LARS1: variants seen among roughly 807,000 people sequenced by gnomAD.
LARS1 encodes the protein leucyl-tRNA synthetase 1, also known as leucine--tRNA ligase, cytoplasmic.
Under a neutral mutation model 162.8 loss-of-function variants are expected in LARS1, and 100 were observed. The ratio of observed to expected loss-of-function variants is 0.61; its 90% CI spans 0.52 to 0.73. The LOEUF is 0.73. Ranked by LOEUF, LARS1 falls within the 30% of genes least tolerant of loss-of-function variation. The pLI, the probability that LARS1 is intolerant of heterozygous loss-of-function variation, is 0.00. For synonymous variants in LARS1, 457 were observed against 462.8 expected, an observed-to-expected ratio of 0.99 and a Z score of 0.16; for missense variants, 1,258 against 1,408.9, an observed-to-expected ratio of 0.89 and a Z score of 1.71.
intron 15 of LARS1, among the ~76,000 whole-genome samples, chr5:146,149,200 G>T (rs2126505782): frequency 6.6e-6 from 1 of 152,272 alleles, no homozygotes; most frequent in Non-Finnish European, 1.5e-5. Context: ...AAGCCTAACA[G>T]ACCATTGTCT....
intron 20 of LARS1, among the ~76,000 whole-genome samples, chr5:146,141,564 G>C (rs1299188480): frequency 6.6e-6 from 1 of 152,098 alleles, no homozygotes; most frequent in African/African-American, 2.4e-5. Flanking sequence ...AGTACTTTGG[G>C]AGGCCAAGAC....
intron 23 of LARS1, 36 bp downstream of exon 23, chr5:146,132,862 C>A: frequency 6.5e-7 from 1 of 1,547,726 alleles, no homozygotes; most frequent in Non-Finnish European, 8.8e-7. Context: ...GACTAAGTAA[C>A]TCTAAAACAC....
In LARS1 at chr5:146,120,459, G is replaced by C. The variant is rs878861962; in HGVS notation, c.3237C>G (p.Gly1079=). The change falls in exon 31 of 32, where the codon GGC becomes GGG. Residue 1079 remains glycine (G), a synonymous_variant. Coordinates refer to ENST00000394434, the MANE Select transcript of LARS1 (RefSeq NM_020117.11). ...TGATTTCAATTTTGGTTGAGAAGTG[G>C]CCATTGGATGGCTGGGGATTCACCA... ...VSLVNPQPSN[G]HFSTKIEIRQ... 1 of 1,613,108 alleles carries C rather than the reference G, an allele frequency of 6.2e-7. No homozygotes were observed. Among genetic ancestry groups the C allele is most frequent in the East Asian group, 2.2e-5 (1 of 44,866 alleles).
chr5:146,151,745 A>G (rs1361743832), intron 14 of LARS1, 117 bp downstream of exon 14: 1 of 913,292 alleles, frequency 1.1e-6, no homozygotes, highest in African/African-American at 1.7e-5. Flanking sequence ...TCTCATATTA[A>G]GCTCTCAAAT....
rs904741380 is a variant in LARS1 at position 146,176,352 on chromosome 5, T to G, written c.125+1195A>C. 2.0e-5 allele frequency among the ~76,000 whole-genome samples: 3 copies of G among 146,600 alleles called. No individual in the cohort carries two copies. The South Asian group carries it at 6.4e-4, about 31-fold the overall frequency. On this transcript the variant is annotated intron_variant, in intron 2 of 31. Transcript: ENST00000394434. ...CTGTAATCCCAGCTACTAAGGAGGCTGAGGCAGGAGAATCGCTTTAACCAG... is the reference window on the plus strand; with the variant it reads ...CTGTAATCCCAGCTACTAAGGAGGCGGAGGCAGGAGAATCGCTTTAACCAG...
chr5:146,169,371 A>G (rs75163996), intron 4 of LARS1, among the ~76,000 whole-genome samples: 3,844 of 152,314 alleles, frequency 0.025, 76 homozygotes, highest in Non-Finnish European at 0.037. Flanking sequence ...GAAAAATAAG[A>G]AATACAGAAG....
At chr5:146,139,528 A>C (rs997049816) in intron 21 of LARS1, 5 of 151,746 alleles carry the variant, frequency 3.3e-5, no homozygotes, top group African/African-American at 1.2e-4. Flanking sequence ...ACTCTTCCCT[A>C]TCTCTCTCTT....
At chr5:146,144,182 T>A in intron 18 of LARS1, 85 bp downstream of exon 18, 1 of 973,886 alleles carries the variant, frequency 1.0e-6, no homozygotes, top group Non-Finnish European at 1.6e-6. Context: ...ACACTAGAAT[T>A]GAGGGCAGGG....
intron 21 of LARS1, among the ~76,000 whole-genome samples, chr5:146,137,326 G>A (rs1029363617): frequency 2.7e-5 from 4 of 150,652 alleles, no homozygotes; most frequent in Non-Finnish European, 5.9e-5. Context: ...TATTAATGAG[G>A]AATAAATAAT....
intron 5 of LARS1, among the ~76,000 whole-genome samples, chr5:146,167,823 C>T (rs1754084548): frequency 6.7e-6 from 1 of 149,882 alleles, no homozygotes; most frequent in African/African-American, 2.5e-5. Context: ...GCCACCGCGC[C>T]CGGCCTACGA....
chr5:146,138,600 C>T (rs982518557), intron 21 of LARS1, among the ~76,000 whole-genome samples: 1 of 151,558 alleles, frequency 6.6e-6, no homozygotes, highest in Non-Finnish European at 1.5e-5. Context: ...TGGTGACAGG[C>T]ACCTGTAATC....
At chr5:146,180,074 A>G (rs929662325) in intron 1 of LARS1, among the ~76,000 whole-genome samples, 6 of 152,230 alleles carry the variant, frequency 3.9e-5, no homozygotes, top group Admixed American at 2.6e-4. Flanking sequence ...CAGACACAGA[A>G]GTTATGTAAC....
At chr5:146,152,570 A>G (rs1308237968) in intron 13 of LARS1, among the ~76,000 whole-genome samples, 1 of 152,184 alleles carries the variant, frequency 6.6e-6, no homozygotes, top group Non-Finnish European at 1.5e-5. Context: ...GCACAGTTTC[A>G]TGCCAAAACC....
intron 14 of LARS1, among the ~76,000 whole-genome samples, chr5:146,151,427 T>A (rs1753284214): frequency 6.6e-6 from 1 of 152,178 alleles, no homozygotes; most frequent in Non-Finnish European, 1.5e-5. Context: ...AAAGAATGGT[T>A]CAGAACATGT....
At chr5:146,122,358 C>G in intron 30 of LARS1, 134 bp downstream of exon 30, 1 of 549,336 alleles carries the variant, frequency 1.8e-6, no homozygotes, top group East Asian at 2.9e-5. Flanking sequence ...TCTATGGGGT[C>G]TACAACAAAC....
At chr5:146,129,945 A>G (rs2126417906) in intron 25 of LARS1, 73 bp downstream of exon 25, 1 of 1,438,550 alleles carries the variant, frequency 7.0e-7, no homozygotes, top group Non-Finnish European at 9.5e-7. Flanking sequence ...CTTAAGTAAC[A>G]ATATTAGCAC....
chr5:146,153,647 T>C, intron 12 of LARS1, 87 bp downstream of exon 12: 2 of 975,788 alleles, frequency 2.0e-6, no homozygotes. Flanking sequence ...TGCATAGCTT[T>C]TTAGCCTAGT....
chr5:146,159,021 A>G (rs1025262778), intron 8 of LARS1, among the ~76,000 whole-genome samples: 1 of 151,818 alleles, frequency 6.6e-6, no homozygotes, highest in African/African-American at 2.4e-5. Context: ...GCGTGAACCC[A>G]GGAGGCAGAG....
intron 31 of LARS1, among the ~76,000 whole-genome samples, chr5:146,116,437 CA>C (rs1327100659): frequency 1.8e-4 from 27 of 152,162 alleles, no homozygotes; most frequent in Admixed American, 1.8e-3. Context: ...CAAACTAGTT[CA>C]AAGAAACCTT....
Sources: allele counts gnomAD v4.1 joint callset (sites outside exome capture counted in the v4.1 genomes callset), GRCh38; gene constraint gnomAD v4.1.1; transcripts MANE v1.5; gene names NCBI Gene and HGNC (gene_info 2026-07-23, HGNC 2026-07-21).